IL6ST: variants seen among roughly 807,000 people sequenced by gnomAD.
The protein encoded by IL6ST is interleukin 6 cytokine family signal transducer.
IL6ST carries 24 observed loss-of-function variants against 91.3 expected under a neutral mutation model. That is an observed-to-expected ratio of 0.26 (90% confidence interval 0.19 to 0.37). The LOEUF is 0.37. Ranked by LOEUF, IL6ST falls within the 10% of genes least tolerant of loss-of-function variation. The pLI is 1.00. For missense variants in IL6ST, 914 were observed against 1,078.5 expected, an observed-to-expected ratio of 0.85 and a Z score of 2.14; for synonymous variants, 351 against 373.6, an observed-to-expected ratio of 0.94 and a Z score of 0.70.
At chr5:55,950,783 G>A (rs1400678694) in intron 14 of IL6ST, among the ~76,000 whole-genome samples, 1 of 151,586 alleles carries the variant, frequency 6.6e-6, no homozygotes, top group East Asian at 1.9e-4. Context: ...AGGAGTTTGA[G>A]ACCAGCCATC....
intron 8 of IL6ST, among the ~76,000 whole-genome samples, chr5:55,960,135 C>T (rs779542415): frequency 6.6e-5 from 10 of 152,140 alleles, no homozygotes; most frequent in Non-Finnish European, 1.2e-4. Context: ...CCGCCCACCT[C>T]GGCCTCCCAA....
At chr5:55,994,109 T>C (rs1754500442) in intron 1 of IL6ST, 1 of 151,582 alleles carries the variant, frequency 6.6e-6, no homozygotes, top group Admixed American at 6.6e-5. Context: ...TTTTTTTTTT[T>C]TCAGTTTCGG....
At position 55,957,192 on chromosome 5, in the gene IL6ST, T is replaced by A. The variant is rs558878602; in HGVS notation, c.1056+17A>T. On this transcript the variant is annotated intron_variant, in intron 9 of 16. Transcript: ENST00000381298. The stretch of plus-strand genomic sequence containing the variant: ...AAAAAGATTTATAAGAGATAAAATA[T>A]AAATGTGATTTTTTACCTTCCACAC... The A allele has an allele frequency of 1.6e-6, 2 of 1,264,238 alleles. No individual in the cohort carries two copies. The highest frequency in any genetic ancestry group is 2.2e-6 in the Non-Finnish European group (2 of 898,284). 78.3% of individuals were successfully genotyped at this position (1,264,238 alleles called of 1,614,324 possible). A position where few individuals can be genotyped will look rare whatever the true frequency, so the allele number is the denominator to read the frequency against.
chr5:55,979,227 T>C (rs532590085), intron 2 of IL6ST, among the ~76,000 whole-genome samples: 37 of 152,186 alleles, frequency 2.4e-4, no homozygotes, highest in African/African-American at 8.7e-4. Context: ...ACCCTGACTC[T>C]ACAAAAAAAT....
chr5:55,976,229 G>T lies in IL6ST; in HGVS notation c.50C>A (p.Thr17Asn). 6.3e-7 allele frequency: 1 copy of T among 1,581,266 alleles called. No individual in the cohort carries two copies. The highest frequency in any genetic ancestry group is 8.6e-7 in the Non-Finnish European group (1 of 1,162,182). Residue 17 changes from threonine (T) to asparagine (N), a missense_variant, in exon 3 of 17, where the codon ACC (threonine) becomes AAC (asparagine). Thr to Asn is a moderately conservative substitution (Grantham distance 65). Transcript: ENST00000381298. ...WLVQALFIFL[T>N]TESTGELLDP... ...ATGAACCTTACCTGTAGATTCAGTG[G>T]TGAGGAAAATAAACAAGGCTTGCAC...
At chr5:55,949,879 A>G (rs1751513860) in intron 14 of IL6ST, among the ~76,000 whole-genome samples, 1 of 152,202 alleles carries the variant, frequency 6.6e-6, no homozygotes, top group Non-Finnish European at 1.5e-5. Context: ...TTATGGTAAA[A>G]TAAGGTAATT....
chr5:55,950,613 A>C (rs950239517), intron 14 of IL6ST, among the ~76,000 whole-genome samples: 1 of 151,348 alleles, frequency 6.6e-6, no homozygotes, highest in Non-Finnish European at 1.5e-5. Flanking sequence ...GACTCAGGAG[A>C]CTGTGCTAGC....
chr5:55,945,777 A>G (rs1220492972), intron 15 of IL6ST, among the ~76,000 whole-genome samples: 1 of 144,070 alleles, frequency 6.9e-6, no homozygotes, highest in East Asian at 2.1e-4. Context: ...CAGCCTCCCG[A>G]GTAGCTGGGA....
chr5:55,947,258 G>A (rs1387195807), intron 15 of IL6ST, among the ~76,000 whole-genome samples: 3 of 152,072 alleles, frequency 2.0e-5, no homozygotes, highest in Non-Finnish European at 2.9e-5. Context: ...CAGAAAAGCA[G>A]ATCAATGACT....
chr5:55,968,199 A>T, intron 5 of IL6ST, 77 bp downstream of exon 5: 1 of 1,184,668 alleles, frequency 8.4e-7, no homozygotes, highest in Non-Finnish European at 1.2e-6. Flanking sequence ...TAATATTATT[A>T]CTTGGTAAAA....
intron 2 of IL6ST, among the ~76,000 whole-genome samples, chr5:55,979,427 A>C (rs1044625021): frequency 6.6e-6 from 1 of 152,200 alleles, no homozygotes; most frequent in Non-Finnish European, 1.5e-5. Context: ...TGATAAATTC[A>C]CTGAGCTGTA....
At chr5:55,958,581 C>A (rs375104777) in intron 8 of IL6ST, among the ~76,000 whole-genome samples, 2 of 152,056 alleles carry the variant, frequency 1.3e-5, no homozygotes, top group East Asian at 1.9e-4. Context: ...CTCGTGCCTG[C>A]GATCCCAGCA....
At chr5:55,947,779 CCCAA>C (rs1370683432) in intron 14 of IL6ST, among the ~76,000 whole-genome samples, 190 bp from the exon 15 acceptor site, 8 of 152,070 alleles carry the variant, frequency 5.3e-5, no homozygotes, top group Non-Finnish European at 8.8e-5. Context: ...TAAATCACAT[CCCAA>C]CCATTTATGT....
chr5:55,936,904 G>C lies in IL6ST; in HGVS notation c.*4178C>G, dbSNP rs1750566915. On this transcript the variant is annotated 3_prime_UTR_variant, in exon 17 of 17. Transcript: ENST00000381298. The stretch of plus-strand genomic sequence containing the variant: ...TTAGAAGAAAGTGGGACATAGCTAG[G>C]ATATAAAAGAAACATACCTAATGCT... 1 of 199,652 alleles carries C rather than the reference G, an allele frequency of 5.0e-6. No homozygotes were observed. Among genetic ancestry groups the C allele is most frequent in the Non-Finnish European group, 1.0e-5 (1 of 96,628 alleles). 12.4% of individuals were successfully genotyped at this position (199,652 alleles called of 1,614,324 possible).
At position 55,939,150 on chromosome 5, in the gene IL6ST, C is replaced by T. The variant is rs1208656940; in HGVS notation, c.*1932G>A. The T allele has an allele frequency of 1.9e-5, 4 of 211,090 alleles. No individual in the cohort carries two copies. The highest frequency in any genetic ancestry group is 3.8e-5 in the Non-Finnish European group (4 of 104,022). The allele number at this position is 211,090 out of a possible 1,614,324, so 13.1% of individuals were successfully genotyped here. On this transcript the variant is annotated 3_prime_UTR_variant, in exon 17 of 17. Coordinates refer to ENST00000381298, the MANE Select transcript of IL6ST (RefSeq NM_002184.4). ...TGTAATAGGTATAAATTTCCTGACA[C>T]ATACAGCAAGACAAATCCAGCCCAG...
At chr5:55,987,785 A>G (rs547297623) in intron 1 of IL6ST, among the ~76,000 whole-genome samples, 59 of 152,192 alleles carry the variant, frequency 3.9e-4, no homozygotes, top group Non-Finnish European at 7.8e-4. Flanking sequence ...TAAAAGGTTA[A>G]CAGCTGTTAT....
In IL6ST at chr5:55,947,592, TAAAAAAAAAA is replaced by T. The variant is rs71602925; in HGVS notation, c.1841-13_1841-4del. 96 of 392,140 alleles carry T rather than the reference TAAAAAAAAAA, an allele frequency of 2.4e-4. No homozygotes were observed. The highest frequency in any genetic ancestry group is 1.0e-3 in the African/African-American group (22 of 21,150). The allele number at this position is 392,140 out of a possible 1,614,324, so 24.3% of individuals were successfully genotyped here. A position where few individuals can be genotyped will look rare whatever the true frequency, so the allele number is the denominator to read the frequency against. On this transcript the variant is annotated splice_polypyrimidine_tract_variant and splice_region_variant and intron_variant, in intron 14 of 16. Transcript: ENST00000381298. ...TATGGCTTCAATTTCTCCTTGAGCTTAAAAAAAAAAAAAAAAAAAAAAAAAGAGGTGTGAT... is the reference window on the plus strand; with the variant it reads ...TATGGCTTCAATTTCTCCTTGAGCTTAAAAAAAAAAAAAAAGAGGTGTGAT...
intron 16 of IL6ST, 51 bp from the exon 17 acceptor site, chr5:55,941,870 G>C (rs756800997): frequency 1.4e-6 from 2 of 1,472,342 alleles, no homozygotes; most frequent in Admixed American, 4.0e-5. Flanking sequence ...AAGCCACAGA[G>C]CTAATGCATC....
At chr5:55,985,951 A>C (rs1753944121) in intron 1 of IL6ST, among the ~76,000 whole-genome samples, 1 of 152,254 alleles carries the variant, frequency 6.6e-6, no homozygotes, top group African/African-American at 2.4e-5. Context: ...GTACTTTATG[A>C]AAACAGAAGG....
Sources: allele counts gnomAD v4.1 joint callset (sites outside exome capture counted in the v4.1 genomes callset), GRCh38; gene constraint gnomAD v4.1.1; transcripts MANE v1.5; gene names NCBI Gene and HGNC (gene_info 2026-07-23, HGNC 2026-07-21).